Variants in CMYA5 observed in about 807,000 individuals in gnomAD.
CMYA5 encodes the protein cardiomyopathy associated 5.
Under a neutral mutation model 318.9 loss-of-function variants are expected in CMYA5, and 246 were observed. The ratio of observed to expected loss-of-function variants is 0.77; its 90% CI spans 0.70 to 0.86. CMYA5 has a LOEUF of 0.86. CMYA5 is among the 40% of genes least tolerant of loss of function. The pLI is 0.00. For synonymous variants in CMYA5, 1,641 were observed against 1,729.5 expected (o/e 0.95, Z 1.27); for missense variants, 4,589 against 4,678.2 (o/e 0.98, Z 0.56).
intron 1 of CMYA5, among the ~76,000 whole-genome samples, chr5:79,709,824 T>G (rs7736030): frequency 0.65 from 98,307 of 150,904 alleles, 34,108 homozygotes; most frequent in African/African-American, 0.9. Context: ...AGCTGGGCCT[T>G]GTGGTGTGTG....
Position 79,731,658 on chromosome 5 carries a change from G to A in CMYA5, c.2893G>A (p.Ala965Thr). The A allele has an allele frequency of 6.2e-7, 1 of 1,613,938 alleles. No individual in the cohort carries two copies. Among genetic ancestry groups the A allele is most frequent in the Non-Finnish European group, 8.5e-7 (1 of 1,179,854 alleles). Residue 965 changes from alanine (A) to threonine (T), a missense_variant, in exon 2 of 13, where the codon GCA becomes ACA. By Grantham distance (58) the Ala-to-Thr change is moderately conservative (BLOSUM62 0). Coordinates refer to ENST00000446378, the MANE Select transcript of CMYA5 (RefSeq NM_153610.5). Reference protein sequence around the residue: ...FSFPPYATQEAEKREFECDSP... With the variant: ...FSFPPYATQETEKREFECDSP... The stretch of plus-strand genomic sequence containing the variant: ...ATTTCCACCGTATGCAACCCAGGAA[G>A]CAGAGAAAAGAGAATTTGAGTGCGA...
chr5:79,760,188 CTTT>C (rs11304680), intron 7 of CMYA5, among the ~76,000 whole-genome samples: 7 of 143,968 alleles, frequency 4.9e-5, no homozygotes, highest in Non-Finnish European at 4.6e-5. Context: ...GCTTGGCCTG[CTTT>C]TTTTTTTTTT....
intron 9 of CMYA5, among the ~76,000 whole-genome samples, chr5:79,786,499 C>T (rs1043930096): frequency 1.7e-4 from 26 of 152,200 alleles, no homozygotes; most frequent in African/African-American, 6.3e-4. Context: ...GCCTCATTTG[C>T]TGTCTGATCA....
At chr5:79,697,567 C>G (rs1336345327) in intron 1 of CMYA5, among the ~76,000 whole-genome samples, 1 of 152,176 alleles carries the variant, frequency 6.6e-6, no homozygotes, top group Non-Finnish European at 1.5e-5. Flanking sequence ...GTTATTTTTA[C>G]AATAGCTCTC....
chr5:79,698,035 G>C (rs1443493573), intron 1 of CMYA5, among the ~76,000 whole-genome samples: 1 of 152,064 alleles, frequency 6.6e-6, no homozygotes, highest in Non-Finnish European at 1.5e-5. Flanking sequence ...ATGCTGTATG[G>C]GATCATGTAA....
In CMYA5 at chr5:79,737,529, G is replaced by A; in HGVS notation, c.8764G>A (p.Ala2922Thr). 1 of 1,613,464 alleles carries A rather than the reference G, an allele frequency of 6.2e-7. No individual in the cohort carries two copies. Among genetic ancestry groups the A allele is most frequent in the African/African-American group, 1.3e-5 (1 of 74,994 alleles). ...EMPKEPEDTYAKGEDFTVTSK... is the reference protein window; with the variant it reads ...EMPKEPEDTYTKGEDFTVTSK... ...GCCCAAGGAACCTGAAGACACATATGCAAAAGGTGAAGACTTTACAGTGAC... is the reference window on the plus strand; with the variant it reads ...GCCCAAGGAACCTGAAGACACATATACAAAAGGTGAAGACTTTACAGTGAC... The change falls in exon 2 of 13, where the codon GCA becomes ACA. Residue 2922 changes from alanine (A) to threonine (T), a missense_variant. Around this residue, in one of 3 missense-constraint regions of CMYA5, gnomAD observed 2,431 missense variants for 2,495.1 expected, o/e 0.97. Transcript: ENST00000446378.
chr5:79,691,722 C>T (rs56312240), intron 1 of CMYA5, among the ~76,000 whole-genome samples: 28,302 of 152,132 alleles, frequency 0.19, 3,193 homozygotes, highest in African/African-American at 0.33. Context: ...TGTAAAATAT[C>T]TGAAGAGATT....
intron 1 of CMYA5, among the ~76,000 whole-genome samples, chr5:79,703,051 C>T (rs187877729): frequency 8.5e-5 from 13 of 152,280 alleles, no homozygotes; most frequent in Non-Finnish European, 1.3e-4. Flanking sequence ...GGGGAATTCA[C>T]CAACTGGGAA....
At position 79,737,687 on chromosome 5, in the gene CMYA5, A is replaced by G. The variant is rs1214137105; in HGVS notation, c.8922A>G (p.Gln2974=). ...ATCAGGAAGAAAGTGAACAAATGCA[A>G]GATAAATTAGAATATTTGGAAGAGA... The part of the protein sequence containing the change: ...SIDQEESEQM[Q]DKLEYLEEKA... Residue 2974 remains glutamine (Q), a synonymous_variant, in exon 2 of 13, where the codon CAA becomes CAG. Coordinates refer to ENST00000446378, the MANE Select transcript of CMYA5 (RefSeq NM_153610.5). 6.2e-7 allele frequency: 1 copy of G among 1,612,682 alleles called. No individual in the cohort carries two copies. The highest frequency in any genetic ancestry group is 8.5e-7 in the Non-Finnish European group (1 of 1,179,564).
intron 1 of CMYA5, among the ~76,000 whole-genome samples, chr5:79,698,000 A>G (rs1361792174): frequency 6.6e-6 from 1 of 152,228 alleles, no homozygotes; most frequent in Non-Finnish European, 1.5e-5. Context: ...GGCCAAAGAT[A>G]GTAGCACCCA....
At chr5:79,778,223 C>A (rs1828977427) in intron 9 of CMYA5, 1 of 152,132 alleles carries the variant, frequency 6.6e-6, no homozygotes, top group Admixed American at 6.5e-5. Flanking sequence ...CAGTAATAAA[C>A]CTTGTGCATA....
At chr5:79,767,092 T>C (rs1365321222) in intron 9 of CMYA5, among the ~76,000 whole-genome samples, 1 of 152,252 alleles carries the variant, frequency 6.6e-6, no homozygotes, top group Non-Finnish European at 1.5e-5. Flanking sequence ...TTTATTTGCA[T>C]AGAGATGTTT....
At chr5:79,697,404 C>T (rs183608940) in intron 1 of CMYA5, among the ~76,000 whole-genome samples, 5 of 152,310 alleles carry the variant, frequency 3.3e-5, no homozygotes, top group Middle Eastern at 3.4e-3. Context: ...AGCCTGGCTG[C>T]TGATGACTCT....
At chr5:79,762,055 G>A (rs1160634317) in intron 8 of CMYA5, 98 bp downstream of exon 8, 2 of 1,324,578 alleles carry the variant, frequency 1.5e-6, no homozygotes, top group Non-Finnish European at 2.0e-6. Flanking sequence ...CACCTATTGT[G>A]TGTTGAGTGT....
In CMYA5 at chr5:79,729,611, CA is replaced by C; in HGVS notation, c.850del (p.Thr284HisfsTer4). Reference protein sequence around the residue: ...LDNSGSNTVSKTRKLVAQSIE... With the variant: ...LDNSGSNTVSXTRKLVAQSIE... ...ACAATAGTGGTTCTAATACAGTGTC[CA>C]AAACACGCAAATTAGTAGCCCAAAG... On this transcript the variant is annotated frameshift_variant, in exon 2 of 13. Transcript: ENST00000446378. LOFTEE classifies it high-confidence loss of function. 6.2e-7 allele frequency: 1 copy of C among 1,613,652 alleles called. No individual in the cohort carries two copies. The highest frequency in any genetic ancestry group is 8.5e-7 in the Non-Finnish European group (1 of 1,179,728).
chr5:79,734,904 T>C lies in CMYA5; in HGVS notation c.6139T>C (p.Phe2047Leu). Residue 2047 changes from phenylalanine (F) to leucine (L), a missense_variant, in exon 2 of 13, where the codon TTC becomes CTC. By Grantham distance (22) the Phe-to-Leu change is conservative. Transcript: ENST00000446378. ...QEKIKLPPER[F>L]FQKPVSGLSV... Reference sequence around the variant, plus strand: ...AAAAATTAAACTACCTCCTGAAAGATTCTTCCAGAAACCAGTGTCTGGCCT... The same window carrying C: ...AAAAATTAAACTACCTCCTGAAAGACTCTTCCAGAAACCAGTGTCTGGCCT... 6.2e-7 allele frequency: 1 copy of C among 1,613,836 alleles called. No individual in the cohort carries two copies. The highest frequency in any genetic ancestry group is 1.1e-5 in the South Asian group (1 of 91,058).
chr5:79,736,038 A>G lies in CMYA5; in HGVS notation c.7273A>G (p.Ser2425Gly). 1.9e-6 allele frequency: 3 copies of G among 1,612,746 alleles called. No individual in the cohort carries two copies. Among genetic ancestry groups the G allele is most frequent in the Non-Finnish European group, 2.5e-6 (3 of 1,179,556 alleles). The change falls in exon 2 of 13, where the codon AGT becomes GGT. Residue 2425 changes from serine to glycine, a missense_variant. Physicochemically the swap from Ser to Gly is moderately conservative, Grantham distance 56. Coordinates refer to ENST00000446378, the MANE Select transcript of CMYA5 (RefSeq NM_153610.5). ...EESKGSLIDF[S>G]EDRLKKEMQN... is the part of the protein sequence containing the mutation. ...ATCAAAAGGCAGTTTAATTGATTTC[A>G]GTGAAGACAGACTCAAGAAAGAAAT...
intron 1 of CMYA5, among the ~76,000 whole-genome samples, chr5:79,713,297 G>C (rs927321975): frequency 0.013 from 307 of 24,030 alleles, 3 homozygotes; most frequent in African/African-American, 0.021. Flanking sequence ...GCTGCACCCC[G>C]CCCCCACCCC....
At chr5:79,766,948 G>A (rs779390768) in intron 9 of CMYA5, among the ~76,000 whole-genome samples, 1 of 152,084 alleles carries the variant, frequency 6.6e-6, no homozygotes, top group African/African-American at 2.4e-5. Flanking sequence ...GCTTTTTTTG[G>A]TTGGTAGGAT....
Sources: gnomAD v4.1 joint callset for allele counts (sites outside exome capture counted in the v4.1 genomes callset) on GRCh38, gnomAD v4.1.1 for gene constraint, gnomAD v4.1.1 regional missense constraint, MANE v1.5 for transcripts, NCBI Gene and HGNC (gene_info 2026-07-23, HGNC 2026-07-21) for gene names.